The following MAP3K13 variants were observed in gnomAD, a reference collection of about 807,000 sequenced individuals.
The protein encoded by MAP3K13 is leucine zipper-bearing kinase.
A neutral mutation model predicts 104.0 loss-of-function variants in MAP3K13; 52 were observed. That is an observed-to-expected ratio of 0.50 (90% CI 0.40 to 0.63). The LOEUF is 0.63. Ranked by LOEUF, MAP3K13 falls within the 20% of genes least tolerant of loss-of-function variation. MAP3K13 has a pLI of 0.00. For synonymous variants in MAP3K13, 394 were observed against 442.2 expected (o/e 0.89, Z 1.37); for missense variants, 914 against 1,218.5 (o/e 0.75, Z 3.72).
At chr3:185,327,286 A>G (rs1056166849) in intron 2 of MAP3K13, among the ~76,000 whole-genome samples, 7 of 152,194 alleles carry the variant, frequency 4.6e-5, no homozygotes, top group African/African-American at 1.7e-4. Flanking sequence ...TCATGTGACT[A>G]GGTTGGACTC....
At chr3:185,337,630 TAGG>T (rs1722559446) in intron 2 of MAP3K13, among the ~76,000 whole-genome samples, 1 of 152,184 alleles carries the variant, frequency 6.6e-6, no homozygotes, top group African/African-American at 2.4e-5. Context: ...TAGGGGGTTG[TAGG>T]AGGTGAAAGG....
At chr3:185,451,521 C>T (rs978314391) in intron 7 of MAP3K13, 126 bp downstream of exon 7, 2 of 645,762 alleles carry the variant, frequency 3.1e-6, no homozygotes, top group African/African-American at 1.8e-5. Flanking sequence ...CATTGTGACA[C>T]AATAAATATG....
chr3:185,391,613 A>G (rs968570307), intron 1 of MAP3K13, among the ~76,000 whole-genome samples: 2 of 152,204 alleles, frequency 1.3e-5, no homozygotes, highest in Admixed American at 6.5e-5. Flanking sequence ...AACTCATGAT[A>G]TTACTTGGTT....
chr3:185,421,895 A>T (rs1366297458), intron 1 of MAP3K13, among the ~76,000 whole-genome samples: 1 of 152,196 alleles, frequency 6.6e-6, no homozygotes, highest in Non-Finnish European at 1.5e-5. Context: ...AGCTCTGATC[A>T]TATTTGAATA....
intron 1 of MAP3K13, among the ~76,000 whole-genome samples, chr3:185,395,668 T>G (rs6800828): frequency 0.7 from 106,137 of 151,108 alleles, 37,881 homozygotes; most frequent in Non-Finnish European, 0.77. Flanking sequence ...TTCAATATTA[T>G]TTCTAATTCA....
intron 2 of MAP3K13, among the ~76,000 whole-genome samples, chr3:185,308,343 C>G (rs1354005406): frequency 6.6e-6 from 1 of 152,040 alleles, no homozygotes; most frequent in Non-Finnish European, 1.5e-5. Flanking sequence ...TTCTGGTGTT[C>G]CTACAAGCTG....
intron 7 of MAP3K13, among the ~76,000 whole-genome samples, chr3:185,460,195 C>T (rs1577599028): frequency 6.6e-6 from 1 of 152,318 alleles, no homozygotes; most frequent in East Asian, 1.9e-4. Flanking sequence ...GATGCCTAAA[C>T]CTTGAATAGT....
chr3:185,443,375 A>C, intron 3 of MAP3K13, 70 bp from the exon 4 acceptor site: 1 of 1,053,304 alleles, frequency 9.5e-7, no homozygotes, highest in South Asian at 2.4e-5. Flanking sequence ...TTTTTATTAA[A>C]TATTCTTTAA....
At chr3:185,291,903 CAAAAA>C (rs139816082) in intron 2 of MAP3K13, 155 of 913,280 alleles carry the variant, frequency 1.7e-4, no homozygotes, top group East Asian at 7.3e-4. Flanking sequence ...CAGTGCTTTC[CAAAAA>C]AAAAAAAAAA....
intron 1 of MAP3K13, among the ~76,000 whole-genome samples, chr3:185,384,905 A>T (rs1047074497): frequency 6.6e-6 from 1 of 152,102 alleles, no homozygotes; most frequent in Non-Finnish European, 1.5e-5. Flanking sequence ...TTATCTCTTC[A>T]CTTGGCTGAT....
chr3:185,446,970 G>C (rs992831897), intron 4 of MAP3K13, among the ~76,000 whole-genome samples: 2 of 152,084 alleles, frequency 1.3e-5, no homozygotes, highest in African/African-American at 4.8e-5. Flanking sequence ...TTTCAGAAAG[G>C]TAGTGCACTA....
chr3:185,408,616 A>AC (rs1009339051), intron 1 of MAP3K13, among the ~76,000 whole-genome samples: 1 of 152,046 alleles, frequency 6.6e-6, no homozygotes, highest in Non-Finnish European at 1.5e-5. Flanking sequence ...ATCTACAACA[A>AC]CCCCAAAAGG....
chr3:185,455,645 A>ATAT (rs1716591190), intron 7 of MAP3K13, among the ~76,000 whole-genome samples: 1 of 24,424 alleles, frequency 4.1e-5, no homozygotes, highest in East Asian at 7.3e-4. Context: ...GATATATATG[A>ATAT]GATATATATA....
At chr3:185,472,888 T>C in intron 10 of MAP3K13, 87 bp from the exon 11 acceptor site, 1 of 1,216,204 alleles carries the variant, frequency 8.2e-7, no homozygotes, top group Non-Finnish European at 1.2e-6. Context: ...ATTCAAAGGC[T>C]CTGTGTATTT....
chr3:185,343,991 TTTG>T, intron 2 of MAP3K13, among the ~76,000 whole-genome samples: 1 of 152,368 alleles, frequency 6.6e-6, no homozygotes, highest in South Asian at 2.1e-4. Context: ...ACATTTCTTA[TTTG>T]TTCCAATAAA....
At chr3:185,313,188 CAA>C (rs1305246839) in intron 2 of MAP3K13, among the ~76,000 whole-genome samples, 1 of 131,180 alleles carries the variant, frequency 7.6e-6, no homozygotes, top group Non-Finnish European at 1.6e-5. Flanking sequence ...GACTCCATCT[CAA>C]AAAAAAAAAG....
chr3:185,449,802 T>G, intron 5 of MAP3K13, 98 bp from the exon 6 acceptor site: 1 of 1,015,138 alleles, frequency 9.9e-7, no homozygotes, highest in Non-Finnish European at 1.4e-6. Flanking sequence ...ATTTTAAAAC[T>G]GGGTATATGT....
At chr3:185,442,038 CAAAA>C (rs749288252) in intron 3 of MAP3K13, among the ~76,000 whole-genome samples, 1 of 107,470 alleles carries the variant, frequency 9.3e-6, no homozygotes, top group Non-Finnish European at 1.9e-5. Context: ...GACTCTGTCT[CAAAA>C]AAAAAAAAAA....
At chr3:185,334,614 T>C (rs1178604832) in intron 2 of MAP3K13, among the ~76,000 whole-genome samples, 1 of 152,012 alleles carries the variant, frequency 6.6e-6, no homozygotes, top group Non-Finnish European at 1.5e-5. Flanking sequence ...TTTTTTTTTT[T>C]TTCTTTTTTT....
Sources: gnomAD v4.1 joint callset for allele counts (sites outside exome capture counted in the v4.1 genomes callset) on GRCh38, gnomAD v4.1.1 for gene constraint, MANE v1.5 for transcripts, NCBI Gene and HGNC (gene_info 2026-07-23, HGNC 2026-07-21) for gene names.